Variants in LOC400499 observed in about 807,000 individuals in gnomAD.
chr16:11,397,997 G>C, the LOC400499 span, among the ~76,000 whole-genome samples: 1 of 152,140 alleles, frequency 6.6e-6, no homozygotes, highest in Non-Finnish European at 1.5e-5. Context: ...GGAGGGGAAA[G>C]GGGTTGAGGA....
At chr16:11,478,698 C>T in the LOC400499 span, 4 of 398,936 alleles carry the variant, frequency 1.0e-5, no homozygotes, top group Non-Finnish European at 8.8e-6. Context: ...GGGGGAGAGC[C>T]CAGACAGGTC....
the LOC400499 span, chr16:11,469,496 C>T: frequency 1.1e-3 from 421 of 398,956 alleles, 1 homozygote; most frequent in Non-Finnish European, 1.4e-3. Context: ...CAGGGAGGGA[C>T]GTTGACATTA....
chr16:11,438,014 T>C, the LOC400499 span, among the ~76,000 whole-genome samples: 1 of 152,070 alleles, frequency 6.6e-6, no homozygotes, highest in Non-Finnish European at 1.5e-5. Flanking sequence ...CCACCCAAGA[T>C]CTTCCACTGG....
the LOC400499 span, among the ~76,000 whole-genome samples, chr16:11,465,696 C>T: frequency 2.6e-5 from 4 of 151,762 alleles, no homozygotes; most frequent in African/African-American, 9.7e-5. Flanking sequence ...TCGCTTGAGC[C>T]CAGGGGTTTG....
chr16:11,424,758 C>T, the LOC400499 span, among the ~76,000 whole-genome samples: 1 of 152,136 alleles, frequency 6.6e-6, no homozygotes, highest in Admixed American at 6.5e-5. Context: ...CGAGCAGGGG[C>T]TGTTGGGATT....
the LOC400499 span, chr16:11,399,575 C>G: frequency 0.012 from 4,969 of 398,720 alleles, 195 homozygotes; most frequent in African/African-American, 0.091. Flanking sequence ...GGCCTGGAGG[C>G]TGTTCAGGCC....
the LOC400499 span, chr16:11,457,059 C>A: frequency 1.2e-5 from 18 of 1,500,340 alleles, no homozygotes; most frequent in South Asian, 1.5e-4. Context: ...GCCCACCCCC[C>A]CAAGATGCCA....
chr16:11,424,483 T>C, the LOC400499 span: 3 of 397,988 alleles, frequency 7.5e-6, no homozygotes, highest in Non-Finnish European at 1.3e-5. Context: ...CTGAGCCCCA[T>C]AGCTCCAGGT....
chr16:11,489,970 A>G, the LOC400499 span, among the ~76,000 whole-genome samples: 35 of 152,332 alleles, frequency 2.3e-4, no homozygotes, highest in South Asian at 4.6e-3. Flanking sequence ...GAAACAGCCT[A>G]AAGGCCTATC....
chr16:11,440,628 C>A, the LOC400499 span: 1 of 398,144 alleles, frequency 2.5e-6, no homozygotes, highest in Non-Finnish European at 4.4e-6. Context: ...GTCATGTCTC[C>A]TGCCACCTCC....
the LOC400499 span, among the ~76,000 whole-genome samples, chr16:11,384,694 T>C: frequency 1.3e-5 from 2 of 152,312 alleles, no homozygotes; most frequent in South Asian, 2.1e-4. Flanking sequence ...TGGGCCTCTG[T>C]GCGGTCATCT....
At chr16:11,409,375 C>T in the LOC400499 span, among the ~76,000 whole-genome samples, 1 of 152,086 alleles carries the variant, frequency 6.6e-6, no homozygotes, top group Non-Finnish European at 1.5e-5. Context: ...AAATTTGGCC[C>T]ACAACCTGAT....
the LOC400499 span, among the ~76,000 whole-genome samples, chr16:11,377,891 A>T: frequency 1.3e-5 from 2 of 152,180 alleles, no homozygotes; most frequent in Non-Finnish European, 2.9e-5. Flanking sequence ...ATGTTTGGTG[A>T]TTCACCAGTG....
the LOC400499 span, chr16:11,384,874 G>A: frequency 8.1e-7 from 1 of 1,232,248 alleles, no homozygotes; most frequent in Non-Finnish European, 1.0e-6. Context: ...AACCCTCCTG[G>A]GGCCCAGACC....
the LOC400499 span, among the ~76,000 whole-genome samples, chr16:11,499,918 C>T: frequency 6.4e-3 from 975 of 152,278 alleles, 9 homozygotes; most frequent in Non-Finnish European, 0.011. Context: ...GCAAGCTGCC[C>T]TACCTCTTTG....
chr16:11,397,140 T>C, the LOC400499 span, among the ~76,000 whole-genome samples: 1 of 152,160 alleles, frequency 6.6e-6, no homozygotes, highest in Non-Finnish European at 1.5e-5. Flanking sequence ...GGCTGTGTCT[T>C]TCACATCCAC....
At chr16:11,475,571 T>C in the LOC400499 span, 1 of 398,638 alleles carries the variant, frequency 2.5e-6, no homozygotes, top group East Asian at 3.6e-5. Context: ...ATTTTTCCCT[T>C]CAACCCTGGG....
the LOC400499 span, chr16:11,387,359 G>A: frequency 1.7e-6 from 2 of 1,200,936 alleles, no homozygotes; most frequent in Non-Finnish European, 2.1e-6. Flanking sequence ...TGGCTGCAGA[G>A]GGGAGCTTCT....
the LOC400499 span, among the ~76,000 whole-genome samples, chr16:11,401,762 G>A: frequency 6.6e-6 from 1 of 152,238 alleles, no homozygotes; most frequent in Non-Finnish European, 1.5e-5. Flanking sequence ...GAGCAGATGG[G>A]AGGCTGATGT....
Sources: allele counts gnomAD v4.1 joint callset (sites outside exome capture counted in the v4.1 genomes callset), GRCh38; gene constraint gnomAD v4.1.1; transcripts MANE v1.5.